The following MATN4 variants were observed in gnomAD, a reference collection of about 807,000 sequenced individuals.
MATN4 encodes the protein matrilin 4, also known as matrilin-4.
In MATN4, 40 loss-of-function variants were observed where a neutral mutation model predicts 54.6. The observed-to-expected ratio is 0.73, with a 90% confidence interval of 0.57 to 0.95. MATN4 has a LOEUF of 0.95. Among genes scored for constraint, MATN4 ranks in the 40% least tolerant of loss-of-function variants. The pLI is 0.00. For missense variants in MATN4, 810 were observed against 819.1 expected, an observed-to-expected ratio of 0.99 and a Z score of 0.13; for synonymous variants, 351 against 345.3, an observed-to-expected ratio of 1.02 and a Z score of -0.18.
At chr20:45,308,029 G>A in intron 1 of MATN4, 146 bp downstream of exon 1, 1 of 686,376 alleles carries the variant, frequency 1.5e-6, no homozygotes, top group Non-Finnish European at 2.6e-6. Context: ...GGCTCGATTT[G>A]GAAAGGACCC....
At chr20:45,294,073 T>TAGTGCA in intron 8 of MATN4, 58 bp from the exon 9 acceptor site, 2 of 1,359,344 alleles carry the variant, frequency 1.5e-6, no homozygotes, top group Non-Finnish European at 2.1e-6. Context: ...TTTGGCCCTC[T>TAGTGCA]GATTTCCCTG....
chr20:45,305,722 C>G (rs1986576184), intron 1 of MATN4, 106 bp from the exon 2 acceptor site: 1 of 481,564 alleles, frequency 2.1e-6, no homozygotes. Context: ...TTTTACTAAT[C>G]TCTCTATTTT....
chr20:45,297,409 T>A (rs896826770), intron 8 of MATN4, among the ~76,000 whole-genome samples: 1 of 151,440 alleles, frequency 6.6e-6, no homozygotes, highest in Non-Finnish European at 1.5e-5. Flanking sequence ...AGTAGAGGGA[T>A]TGCACTTATG....
At position 45,301,230 on chromosome 20, in the gene MATN4, A is replaced by G; in HGVS notation, c.767-6T>C. ...AAAGCTGCAGTAGTCAATGGCTGGCAGGAGGGAAGAAACAGCAAGATGTTG... is the reference window on the plus strand; with the variant it reads ...AAAGCTGCAGTAGTCAATGGCTGGCGGGAGGGAAGAAACAGCAAGATGTTG... On this transcript the variant is annotated splice_region_variant and splice_polypyrimidine_tract_variant and intron_variant, in intron 4 of 9. Coordinates refer to ENST00000372756, the MANE Select transcript of MATN4 (RefSeq NM_001393530.1). 1 of 1,587,396 alleles carries G rather than the reference A, an allele frequency of 6.3e-7. No individual in the cohort carries two copies.
At chr20:45,307,001 A>ACCCCCCCCCCCCCCCCCCCCC (rs562994913) in intron 1 of MATN4, 3 of 720,926 alleles carry the variant, frequency 4.2e-6, no homozygotes, top group Admixed American at 7.3e-5. Flanking sequence ...ACGAAGGACC[A>ACCCCCCCCCCCCCCCCCCCCC]CCCCCCCACC....
intron 6 of MATN4, among the ~76,000 whole-genome samples, chr20:45,300,679 G>A (rs1321438180): frequency 6.6e-6 from 1 of 152,178 alleles, no homozygotes; most frequent in Non-Finnish European, 1.5e-5. Context: ...GATCAAATAT[G>A]TATTTTTAAA....
chr20:45,304,381 G>A lies in MATN4; in HGVS notation c.490C>T (p.Arg164Cys), dbSNP rs2072788. The change falls in exon 3 of 10, where the codon CGC (arginine) becomes TGC (cysteine). Residue 164 changes from arginine to cysteine, a missense_variant. Coordinates refer to ENST00000372756, the MANE Select transcript of MATN4 (RefSeq NM_001393530.1). ...VAEVAAQARA[R>C]GIEIYAVGVQ... is the part of the protein sequence containing the mutation. ...CCCACCGCGTAAATTTCAATGCCGC[G>A]GGCGCGCGCCTGTGCCGCCACCTCG... 1 of 1,498,226 alleles carries A rather than the reference G, an allele frequency of 6.7e-7. No homozygotes were observed. The highest frequency in any genetic ancestry group is 1.4e-5 in the South Asian group (1 of 73,906). 92.8% of individuals were successfully genotyped at this position (1,498,226 alleles called of 1,614,324 possible).
At position 45,308,185 on chromosome 20, in the gene MATN4, A is replaced by G. The variant is rs370744503; in HGVS notation, c.-45T>C. On this transcript the variant is annotated 5_prime_UTR_variant, in exon 1 of 10. Transcript: ENST00000372756. Reference sequence around the variant, plus strand: ...AATCCTTTGACTCACCTGAGCCTGCAGGACAGATCAGAGATGCAGCTGCAG... The same window carrying G: ...AATCCTTTGACTCACCTGAGCCTGCGGGACAGATCAGAGATGCAGCTGCAG... 2.5e-6 allele frequency: 4 copies of G among 1,613,960 alleles called. No individual in the cohort carries two copies. The highest frequency in any genetic ancestry group is 3.4e-6 in the Non-Finnish European group (4 of 1,179,954).
rs766551567 is a variant in MATN4, at chr20:45,305,534, A to G, written c.49T>C (p.Trp17Arg). ...CCTGTCAACTGGAGCTGGGTTTCCC[A>G]GGGCTGAAGAAGGAGCAGCAACACG... ...WPVLLLLLQPWETQLQLTGPR... is the reference protein window; with the variant it reads ...WPVLLLLLQPRETQLQLTGPR... The change falls in exon 2 of 10, where the codon TGG (tryptophan) becomes CGG (arginine). Residue 17 changes from tryptophan (W) to arginine (R), a missense_variant. By Grantham distance (101) the Trp-to-Arg change is moderately radical. Transcript: ENST00000372756. The G allele has an allele frequency of 1.3e-6, 2 of 1,557,502 alleles. No individual in the cohort carries two copies. The highest frequency in any genetic ancestry group is 2.4e-5 in the South Asian group (2 of 84,296).
rs776094217 is a variant in MATN4, at chr20:45,298,390, G to C, written c.1206C>G (p.Tyr402Ter). ...RVRTEFPLGR[Y>*]GTAAEVKQAV... ...CCTGCTTCACCTCGGCTGCGGTGCC[G>C]TAGCGACCCAGAGGGAACTCGGTGC... The change falls in exon 7 of 10, where the codon TAC (tyrosine) becomes TAG (stop). Residue 402 changes from tyrosine to a stop codon, truncating the protein, a stop_gained. Transcript: ENST00000372756. LOFTEE classifies it high-confidence loss of function. This position sits in a 1 kb window ranked among gnomAD's most constrained non-coding sequence, Gnocchi z 4.6. The C allele has an allele frequency of 6.2e-7, 1 of 1,612,440 alleles. No homozygotes were observed. Among genetic ancestry groups the C allele is most frequent in the East Asian group, 2.2e-5 (1 of 44,862 alleles).
chr20:45,300,199 C>T (rs1052207766), intron 6 of MATN4, among the ~76,000 whole-genome samples: 5 of 152,082 alleles, frequency 3.3e-5, no homozygotes, highest in African/African-American at 1.2e-4. Flanking sequence ...AGGAGTTTGC[C>T]AAGGCAGTAA....
chr20:45,300,843 A>C lies in MATN4; in HGVS notation c.1012+44T>G, dbSNP rs374961701. 47 of 1,607,276 alleles carry C rather than the reference A, an allele frequency of 2.9e-5. No individual in the cohort carries two copies. In the African/African-American group the frequency reaches 5.2e-4, roughly 18 times the overall value. Reference sequence around the variant, plus strand: ...AGTCAAGGACACTCCAAATGTGGGCAATGGGGCAGAAGCCAACAGAACACC... The same window carrying C: ...AGTCAAGGACACTCCAAATGTGGGCCATGGGGCAGAAGCCAACAGAACACC... On this transcript the variant is annotated intron_variant, in intron 6 of 9. Transcript: ENST00000372756.
Position 45,305,571 on chromosome 20 carries a change from A to G in MATN4, c.12T>C (p.Leu4=), listed in dbSNP as rs896939111. Reference sequence around the variant, plus strand: ...GGAGCAGCAACACGGGCCAGCAAAGAAGGCCTCTCATGGCGCTTGGGGACA... The same window carrying G: ...GGAGCAGCAACACGGGCCAGCAAAGGAGGCCTCTCATGGCGCTTGGGGACA... MRG[L]LCWPVLLLLL... is the part of the protein sequence containing the mutation. The change falls in exon 2 of 10, where the codon CTT becomes CTC. Residue 4 remains leucine (L), a synonymous_variant. Transcript: ENST00000372756. The G allele has an allele frequency of 3.2e-6, 5 of 1,559,662 alleles. No homozygotes were observed. In the South Asian group the frequency reaches 3.6e-5, roughly 11 times the overall value.
chr20:45,305,338 A>G (rs1986535012), intron 2 of MATN4, among the ~76,000 whole-genome samples, 172 bp downstream of exon 2: 1 of 152,228 alleles, frequency 6.6e-6, no homozygotes, highest in African/African-American at 2.4e-5. Context: ...ACTAAGCCAC[A>G]TCCTACAGAT....
chr20:45,308,537 C>A, upstream of MATN4: 1 of 457,152 alleles, frequency 2.2e-6, no homozygotes, highest in Non-Finnish European at 4.0e-6. Context: ...ACTCCACAGC[C>A]GGAATTCATT....
At chr20:45,301,645 C>A (rs755944877) in intron 3 of MATN4, among the ~76,000 whole-genome samples, 3 of 152,160 alleles carry the variant, frequency 2.0e-5, no homozygotes, top group Non-Finnish European at 4.4e-5. Context: ...TTTGAGCCTC[C>A]ATTTTTCTAT....
rs2145683130 is a variant in MATN4 at position 45,308,266 on chromosome 20, GC to G, written c.-127del. 1 of 1,561,998 alleles carries G rather than the reference GC, an allele frequency of 6.4e-7. No homozygotes were observed. Among genetic ancestry groups the G allele is most frequent in the Non-Finnish European group, 8.8e-7 (1 of 1,133,026 alleles). On this transcript the variant is annotated 5_prime_UTR_variant, in exon 1 of 10. Transcript: ENST00000372756. ...ACTTGGACCAGGTAACGGCGGCGTG[GC>G]AGCGTGCCCTAGGTGGGGACTGCCA...
Position 45,294,044 on chromosome 20 carries a change from G to C in MATN4, c.1580-29C>G, listed in dbSNP as rs756379446. ...CAAGCCGGACACAGAGGGTCAGGGG[G>C]ATGAGAAATTGCCCTAGCTTTGGCC... On this transcript the variant is annotated intron_variant, in intron 8 of 9. Coordinates refer to ENST00000372756, the MANE Select transcript of MATN4 (RefSeq NM_001393530.1). The C allele has an allele frequency of 3.9e-6, 6 of 1,554,160 alleles. No homozygotes were observed. The Admixed American group carries it at 5.2e-5, about 13-fold the overall frequency.
At chr20:45,302,018 G>A (rs1163886862) in intron 3 of MATN4, among the ~76,000 whole-genome samples, 1 of 152,062 alleles carries the variant, frequency 6.6e-6, no homozygotes, top group African/African-American at 2.4e-5. Flanking sequence ...GTGTGTGTGT[G>A]CACGCGCTAT....
Sources: gnomAD v4.1 joint callset for allele counts (sites outside exome capture counted in the v4.1 genomes callset) on GRCh38, gnomAD v4.1.1 for gene constraint, Gnocchi (gnomAD v3.1) non-coding constraint, MANE v1.5 for transcripts, NCBI Gene and HGNC (gene_info 2026-07-23, HGNC 2026-07-21) for gene names.